The following GBE1 variants were observed in gnomAD, a reference collection of about 807,000 sequenced individuals.
GBE1 encodes the protein 1,4-alpha-glucan-branching enzyme.
A neutral mutation model predicts 88.8 loss-of-function variants in GBE1; 70 were observed. The ratio of observed to expected loss-of-function variants is 0.79; its 90% confidence interval spans 0.65 to 0.96. GBE1 has a LOEUF of 0.96. Among genes scored for constraint, GBE1 ranks in the 40% least tolerant of loss-of-function variants. GBE1 has a pLI of 0.00. For missense variants in GBE1, 872 were observed against 871.0 expected (o/e 1.00, Z -0.01); for synonymous variants, 284 against 300.1 (o/e 0.95, Z 0.56).
At chr3:81,680,714 A>C (rs1705328587) in intron 2 of GBE1, among the ~76,000 whole-genome samples, 1 of 152,122 alleles carries the variant, frequency 6.6e-6, no homozygotes, top group Non-Finnish European at 1.5e-5. Context: ...TAATATTTGG[A>C]GATAGGGACT....
At position 81,698,982 on chromosome 3, in the gene GBE1, T is replaced by G. The variant is rs940111154; in HGVS notation, c.313+6462A>C. 9.2e-5 allele frequency among the ~76,000 whole-genome samples: 14 copies of G among 152,184 alleles called. No individual in the cohort carries two copies. In the Middle Eastern group the frequency reaches 0.01, roughly 111 times the overall value. ...GCAAAACTTTCTACAAAACACTGTT[T>G]GCTGAATGCTTACTTTAGGTTCACA... On this transcript the variant is annotated intron_variant, in intron 2 of 15. Transcript: ENST00000429644.
At position 81,705,589 on chromosome 3, in the gene GBE1, C is replaced by T; in HGVS notation, c.168G>A (p.Leu56=). Residue 56 remains leucine, a synonymous_variant, in exon 2 of 16, where the codon TTG becomes TTA. Transcript: ENST00000429644. ...QRRYKQFSQI[L]KNIGENEGGI... ...CACCTTCATTTTCTCCAATGTTCTT[C>T]AAAATTTGGCTAAACTGCTTATACC... The T allele has an allele frequency of 6.4e-7, 1 of 1,565,372 alleles. No individual in the cohort carries two copies. Among genetic ancestry groups the T allele is most frequent in the Non-Finnish European group, 8.7e-7 (1 of 1,154,336 alleles).
At chr3:81,663,690 C>A (rs961271257) in intron 3 of GBE1, among the ~76,000 whole-genome samples, 2 of 152,150 alleles carry the variant, frequency 1.3e-5, no homozygotes, top group African/African-American at 4.8e-5. Context: ...ATATAGACAG[C>A]AAACTAAAAG....
chr3:81,517,102 C>G lies in GBE1; in HGVS notation c.1935-17875G>C, dbSNP rs561322986. Among the ~76,000 whole-genome samples, 43 of 151,492 alleles carry G rather than the reference C, an allele frequency of 2.8e-4. 1 individual carries two copies. In the South Asian group the frequency reaches 8.5e-3, roughly 30 times the overall value. On this transcript the variant is annotated intron_variant, in intron 14 of 15. Coordinates refer to ENST00000429644, the MANE Select transcript of GBE1 (RefSeq NM_000158.4). ...AGTTCTACTGTGGGTAAAATGTTAC[C>G]AAACAGCATCACATGTTACAGAGAA...
chr3:81,675,794 T>C (rs1705243543), intron 2 of GBE1, among the ~76,000 whole-genome samples: 1 of 152,106 alleles, frequency 6.6e-6, no homozygotes, highest in African/African-American at 2.4e-5. Flanking sequence ...ACATGTTTCC[T>C]ATACGCATAA....
At chr3:81,633,046 T>G (rs1463741104) in intron 7 of GBE1, among the ~76,000 whole-genome samples, 1 of 152,186 alleles carries the variant, frequency 6.6e-6, no homozygotes, top group Non-Finnish European at 1.5e-5. Context: ...TACCAAAAAA[T>G]AGCTTGACAT....
chr3:81,705,376 A>G (rs908645439), intron 2 of GBE1, 68 bp downstream of exon 2: 1 of 1,115,572 alleles, frequency 9.0e-7, no homozygotes, highest in African/African-American at 1.6e-5. Flanking sequence ...TACATGAAAT[A>G]TAAGAAATAT....
intron 7 of GBE1, among the ~76,000 whole-genome samples, chr3:81,611,274 T>C (rs1446077462): frequency 6.6e-6 from 1 of 152,138 alleles, no homozygotes; most frequent in Non-Finnish European, 1.5e-5. Flanking sequence ...TAAAATATAA[T>C]ATGAAAAGTC....
intron 14 of GBE1, among the ~76,000 whole-genome samples, chr3:81,530,204 T>C (rs1687147182): frequency 6.6e-6 from 1 of 151,986 alleles, no homozygotes; most frequent in Non-Finnish European, 1.5e-5. Context: ...TAAATTCATC[T>C]GATAGAATTC....
At chr3:81,642,038 A>C (rs960584372) in intron 7 of GBE1, among the ~76,000 whole-genome samples, 4 of 151,522 alleles carry the variant, frequency 2.6e-5, no homozygotes, top group Admixed American at 1.3e-4. Context: ...TTTCACTTAC[A>C]ATAAATAATA....
chr3:81,609,553 TG>T (rs1016484266), intron 7 of GBE1, among the ~76,000 whole-genome samples: 3 of 152,222 alleles, frequency 2.0e-5, no homozygotes, highest in East Asian at 1.9e-4. Flanking sequence ...CCTAGGATTT[TG>T]GGGGTTTTTT....
chr3:81,536,739 A>G (rs887379552), intron 13 of GBE1, among the ~76,000 whole-genome samples, 172 bp downstream of exon 13: 2 of 152,110 alleles, frequency 1.3e-5, no homozygotes, highest in African/African-American at 4.8e-5. Flanking sequence ...TTCATTATCA[A>G]TTGAAGAGAC....
intron 7 of GBE1, among the ~76,000 whole-genome samples, chr3:81,619,017 C>A (rs994912787): frequency 5.9e-5 from 9 of 151,992 alleles, no homozygotes; most frequent in African/African-American, 2.2e-4. Context: ...CAAAATAATG[C>A]AAACATGCAG....
chr3:81,698,176 G>A (rs1705630797), intron 2 of GBE1, among the ~76,000 whole-genome samples: 2 of 151,480 alleles, frequency 1.3e-5, no homozygotes, highest in Admixed American at 1.3e-4. Flanking sequence ...AGGCATTATA[G>A]CAAAGCTCCA....
At chr3:81,641,352 G>GT (rs796504224) in intron 7 of GBE1, among the ~76,000 whole-genome samples, 36 of 152,132 alleles carry the variant, frequency 2.4e-4, no homozygotes, top group African/African-American at 8.4e-4. Context: ...TGTAATTGCA[G>GT]TTTTTTGCCA....
At chr3:81,633,597 A>T (rs1704548629) in intron 7 of GBE1, among the ~76,000 whole-genome samples, 2 of 152,206 alleles carry the variant, frequency 1.3e-5, no homozygotes, top group African/African-American at 4.8e-5. Context: ...ACCTGATATT[A>T]AAAGACATTT....
At chr3:81,685,827 C>A (rs2107136954) in intron 2 of GBE1, among the ~76,000 whole-genome samples, 2 of 152,198 alleles carry the variant, frequency 1.3e-5, no homozygotes, top group South Asian at 4.1e-4. Flanking sequence ...ATGAAGAAAA[C>A]CTCTCTTTTT....
intron 2 of GBE1, among the ~76,000 whole-genome samples, chr3:81,686,124 G>C (rs955275389): frequency 6.6e-5 from 10 of 152,122 alleles, no homozygotes; most frequent in African/African-American, 2.2e-4. Context: ...AAACGAAGGA[G>C]TGCATTTGAA....
intron 1 of GBE1, among the ~76,000 whole-genome samples, chr3:81,713,834 G>A (rs1705904344): frequency 6.6e-6 from 1 of 152,094 alleles, no homozygotes. Flanking sequence ...CAGTAGAAAT[G>A]AAACTGAGCA....
Sources: gnomAD v4.1 joint callset for allele counts (sites outside exome capture counted in the v4.1 genomes callset) on GRCh38, gnomAD v4.1.1 for gene constraint, MANE v1.5 for transcripts, NCBI Gene and HGNC (gene_info 2026-07-23, HGNC 2026-07-21) for gene names.